The following PCDHGA8 variants were observed in gnomAD, a reference collection of about 807,000 sequenced individuals.
The protein encoded by PCDHGA8 is protocadherin gamma subfamily A, 8, also known as protocadherin gamma-A8.
A neutral mutation model predicts 59.2 loss-of-function variants in PCDHGA8; 45 were observed. That is an observed-to-expected ratio of 0.76 (90% CI 0.60 to 0.98). The LOEUF (loss-of-function observed/expected upper bound fraction) is 0.98, where lower values mean the gene tolerates loss of function less well. PCDHGA8 is among the 50% of genes least tolerant of loss of function. The pLI is 0.00. For missense variants in PCDHGA8, 1,257 were observed against 1,196.2 expected, an observed-to-expected ratio of 1.05 and a Z score of -0.75; for synonymous variants, 531 against 519.0, an observed-to-expected ratio of 1.02 and a Z score of -0.32.
In PCDHGA8 at chr5:141,431,318, G is replaced by T. The variant is rs1309389474; in HGVS notation, c.2424+36081G>T. The T allele has an allele frequency of 6.2e-7, 1 of 1,614,086 alleles. No individual in the cohort carries two copies. Among genetic ancestry groups the T allele is most frequent in the African/African-American group, 1.3e-5 (1 of 75,050 alleles). ...CTCCCTCATCGTGCAAAATGGAGCCGACGGTAGTAAGTACCCCGAATTGGT... is the reference window on the plus strand; with the variant it reads ...CTCCCTCATCGTGCAAAATGGAGCCTACGGTAGTAAGTACCCCGAATTGGT... On this transcript the variant is annotated intron_variant, in intron 1 of 3. Coordinates refer to ENST00000398604, the MANE Select transcript of PCDHGA8 (RefSeq NM_032088.2). The surrounding 1 kb of genome is among the most constrained non-coding windows in gnomAD (Gnocchi z 4.8).
Position 141,486,255 on chromosome 5 carries a change from A to G in PCDHGA8, c.2425-8552A>G. 1 of 1,614,028 alleles carries G rather than the reference A, an allele frequency of 6.2e-7. No homozygotes were observed. Reference sequence around the variant, plus strand: ...ACCTCAGAGCTTGGAACCCTCCCCGAGAGTGCAGAACCTGGCACTGTGGTG... The same window carrying G: ...ACCTCAGAGCTTGGAACCCTCCCCGGGAGTGCAGAACCTGGCACTGTGGTG... On this transcript the variant is annotated intron_variant, in intron 1 of 3. Coordinates refer to ENST00000398604, the MANE Select transcript of PCDHGA8 (RefSeq NM_032088.2). This position sits in a 1 kb window ranked among gnomAD's most constrained non-coding sequence, Gnocchi z 5.0.
intron 1 of PCDHGA8, among the ~76,000 whole-genome samples, chr5:141,479,135 G>C (rs1236040845): frequency 6.6e-6 from 1 of 152,126 alleles, no homozygotes; most frequent in East Asian, 1.9e-4. Flanking sequence ...TGTGCACCCT[G>C]CTTACAAAAT....
chr5:141,507,736 G>A (rs1562231670), intron 3 of PCDHGA8, among the ~76,000 whole-genome samples: 1 of 152,240 alleles, frequency 6.6e-6, no homozygotes. Flanking sequence ...CATGCAGCTC[G>A]TTCCCCTGTC....
intron 1 of PCDHGA8, among the ~76,000 whole-genome samples, chr5:141,438,585 TACATAC>T (rs201018754): frequency 0.16 from 9,805 of 59,734 alleles, 612 homozygotes; most frequent in African/African-American, 0.28. Context: ...CATACATACA[TACATAC>T]ATATATATAT....
At chr5:141,425,719 A>G (rs2096890303) in intron 1 of PCDHGA8, among the ~76,000 whole-genome samples, 1 of 152,200 alleles carries the variant, frequency 6.6e-6, no homozygotes. Context: ...TTCCCATACC[A>G]CTTGATGGGG....
intron 1 of PCDHGA8, chr5:141,416,286 T>C (rs1415036175): frequency 2.0e-5 from 3 of 152,304 alleles, no homozygotes; most frequent in Non-Finnish European, 4.4e-5. Context: ...AATTCTCTAA[T>C]TTCACACTGC....
In PCDHGA8 at chr5:141,413,886, C is replaced by T. The variant is rs916273509; in HGVS notation, c.2424+18649C>T. The T allele has an allele frequency of 8.7e-6, 14 of 1,613,202 alleles. No homozygotes were observed. The African/African-American group carries it at 1.7e-4, about 20-fold the overall frequency. On this transcript the variant is annotated intron_variant, in intron 1 of 3. Transcript: ENST00000398604. ...CTGTCCTTGTCAGTGTGACTGTCTT[C>T]GATGCAAATGACAACGCGCCGGTCT...
At chr5:141,449,266 G>T (rs1398403120) in intron 1 of PCDHGA8, among the ~76,000 whole-genome samples, 1 of 152,042 alleles carries the variant, frequency 6.6e-6, no homozygotes, top group Non-Finnish European at 1.5e-5. Context: ...ACAAAGAACT[G>T]TATCTCCTTC....
chr5:141,404,680 G>A (rs2094553624), intron 1 of PCDHGA8: 2 of 1,614,042 alleles, frequency 1.2e-6, no homozygotes, highest in Non-Finnish European at 1.7e-6. Context: ...CTGGTGTGGA[G>A]CTGGCACCCC....
chr5:141,441,126 C>A (rs1319809408), intron 1 of PCDHGA8: 2 of 152,062 alleles, frequency 1.3e-5, no homozygotes, highest in Admixed American at 1.3e-4. Context: ...CAGTTGAGAC[C>A]GAATTTCTAG....
At position 141,490,293 on chromosome 5, in the gene PCDHGA8, ATTG is replaced by A; in HGVS notation, c.2425-4513_2425-4511del. The A allele has an allele frequency of 1.9e-6, 3 of 1,614,190 alleles. No individual in the cohort carries two copies. Among genetic ancestry groups the A allele is most frequent in the Non-Finnish European group, 2.5e-6 (3 of 1,180,028 alleles). On this transcript the variant is annotated intron_variant, in intron 1 of 3. Coordinates refer to ENST00000398604, the MANE Select transcript of PCDHGA8 (RefSeq NM_032088.2). The surrounding 1 kb of genome is among the most constrained non-coding windows in gnomAD (Gnocchi z 5.4). ...TCAATGACAATGCCCCAGAGGTGCTATTGGCCTCTTTGGCCAACCCTGTCCTAG... is the reference window on the plus strand; with the variant it reads ...TCAATGACAATGCCCCAGAGGTGCTAGCCTCTTTGGCCAACCCTGTCCTAG...
chr5:141,396,951 A>G (rs1444720599), intron 1 of PCDHGA8, among the ~76,000 whole-genome samples: 1 of 152,210 alleles, frequency 6.6e-6, no homozygotes, highest in African/African-American at 2.4e-5. Flanking sequence ...TAGGAAAGAA[A>G]ATCCTTACTC....
intron 1 of PCDHGA8, among the ~76,000 whole-genome samples, chr5:141,463,073 C>G (rs911706393): frequency 6.6e-6 from 1 of 152,110 alleles, no homozygotes; most frequent in African/African-American, 2.4e-5. Flanking sequence ...AAATGAAATT[C>G]AAACATTTTC....
At chr5:141,395,410 AT>A (rs1180706569) in intron 1 of PCDHGA8, 173 bp downstream of exon 1, 2 of 801,646 alleles carry the variant, frequency 2.5e-6, no homozygotes, top group African/African-American at 3.5e-5. Flanking sequence ...GTCATAGGTT[AT>A]TGTTTCATTT....
rs760572189 is a variant in PCDHGA8 at position 141,477,159 on chromosome 5, A to G, written c.2425-17648A>G. ...GTGGAGGTTGTGGATGTGAATGACA[A>G]CGCCCCGGAGATCACAGTCACCTCC... is the stretch of plus-strand genomic sequence containing the variant. On this transcript the variant is annotated intron_variant, in intron 1 of 3. Transcript: ENST00000398604. The surrounding 1 kb of genome is among the most constrained non-coding windows in gnomAD (Gnocchi z 4.9). The G allele has an allele frequency of 1.7e-5, 28 of 1,613,854 alleles. No individual in the cohort carries two copies. In the South Asian group the frequency reaches 3.1e-4, roughly 18 times the overall value.
At chr5:141,499,686 T>C (rs1400567357) in intron 2 of PCDHGA8, among the ~76,000 whole-genome samples, 2 of 149,346 alleles carry the variant, frequency 1.3e-5, no homozygotes, top group East Asian at 2.0e-4. Context: ...CTTTAACAGA[T>C]GACTTTTTTT....
chr5:141,404,167 G>C, intron 1 of PCDHGA8: 1 of 1,612,946 alleles, frequency 6.2e-7, no homozygotes, highest in South Asian at 1.1e-5. Context: ...ACAGATTGTT[G>C]ACGGCCCAAA....
rs747983531 is a variant in PCDHGA8 at position 141,393,274 on chromosome 5, T to G, written c.461T>G (p.Leu154Arg). Reference sequence around the variant, plus strand: ...GCGGTTCCTGGAGCACGTTATCCACTCCCAGAAGCTGTTGACCCGGATGTG... The same window carrying G: ...GCGGTTCCTGGAGCACGTTATCCACGCCCAGAAGCTGTTGACCCGGATGTG... ...EIAVPGARYP[L>R]PEAVDPDVGV... is the part of the protein sequence containing the mutation. Residue 154 changes from leucine to arginine, a missense_variant, in exon 1 of 4, where the codon CTC (leucine) becomes CGC (arginine). Leu to Arg is a moderately radical substitution (Grantham distance 102, BLOSUM62 -2). Coordinates refer to ENST00000398604, the MANE Select transcript of PCDHGA8 (RefSeq NM_032088.2). The G allele has an allele frequency of 6.8e-6, 11 of 1,613,952 alleles. No homozygotes were observed. The highest frequency in any genetic ancestry group is 9.3e-6 in the Non-Finnish European group (11 of 1,179,900).
intron 1 of PCDHGA8, chr5:141,478,866 C>G: frequency 7.7e-7 from 1 of 1,304,352 alleles, no homozygotes; most frequent in East Asian, 2.5e-5. Context: ...TCTCAGCGAT[C>G]AGAGTTTAGC....
Sources: allele counts gnomAD v4.1 joint callset (sites outside exome capture counted in the v4.1 genomes callset), GRCh38; gene constraint gnomAD v4.1.1; non-coding constraint Gnocchi (gnomAD v3.1); transcripts MANE v1.5; gene names NCBI Gene and HGNC (gene_info 2026-07-23, HGNC 2026-07-21).